Variants in PPP4R3B observed in about 807,000 individuals in gnomAD.
The protein encoded by PPP4R3B is protein phosphatase 4 regulatory subunit 3B.
A neutral mutation model predicts 95.4 loss-of-function variants in PPP4R3B; 52 were observed. That is an observed-to-expected ratio of 0.54 (90% CI 0.44 to 0.69). The LOEUF (loss-of-function observed/expected upper bound fraction) is 0.69. Ranked by LOEUF, PPP4R3B falls within the 30% of genes least tolerant of loss-of-function variation. The pLI is 0.00. For synonymous variants in PPP4R3B, 407 were observed against 343.9 expected, an observed-to-expected ratio of 1.18 and a Z score of -2.03; for missense variants, 1,003 against 1,005.9, an observed-to-expected ratio of 1.00 and a Z score of 0.04.
rs779534034 is a variant in PPP4R3B, at chr2:55,564,521, T to C, written c.2076-24A>G. ...CACTGTAAGAAATATATCACAAATATTGAGTAATGATTTAAAGTTCATCAT... is the reference window on the plus strand; with the variant it reads ...CACTGTAAGAAATATATCACAAATACTGAGTAATGATTTAAAGTTCATCAT... On this transcript the variant is annotated intron_variant, in intron 14 of 16. Transcript: ENST00000616407. 6 of 1,552,652 alleles carry C rather than the reference T, an allele frequency of 3.9e-6. No homozygotes were observed. In the South Asian group the frequency reaches 4.9e-5, roughly 13 times the overall value.
chr2:55,564,608 A>G, intron 14 of PPP4R3B, 111 bp from the exon 15 acceptor site: 1 of 917,690 alleles, frequency 1.1e-6, no homozygotes, highest in African/African-American at 1.7e-5. Context: ...TTAACTGACT[A>G]TAATTTATAT....
intron 15 of PPP4R3B, among the ~76,000 whole-genome samples, chr2:55,563,427 G>A (rs1386847046): frequency 1.3e-5 from 2 of 152,160 alleles, no homozygotes; most frequent in African/African-American, 4.8e-5. Flanking sequence ...AAGCTGGAGT[G>A]CAGCGGCAGC....
At position 55,607,602 on chromosome 2, in the gene PPP4R3B, G is replaced by A. The variant is rs1693598144; in HGVS notation, c.199-3526C>T. Among the ~76,000 whole-genome samples the A allele has an allele frequency of 2.0e-5, 3 of 152,150 alleles. No homozygotes were observed. The South Asian group carries it at 6.2e-4, about 32-fold the overall frequency. ...CCTCCCTGGGCACATCATCCTCCAGGAACTTCCACTTAGTTATCTGGGAGC... is the reference window on the plus strand; with the variant it reads ...CCTCCCTGGGCACATCATCCTCCAGAAACTTCCACTTAGTTATCTGGGAGC... On this transcript the variant is annotated intron_variant, in intron 2 of 16. Coordinates refer to ENST00000616407, the MANE Select transcript of PPP4R3B (RefSeq NM_001122964.3).
At chr2:55,550,932 C>T (rs143172138) in intron 16 of PPP4R3B, among the ~76,000 whole-genome samples, 7 of 152,250 alleles carry the variant, frequency 4.6e-5, no homozygotes, top group African/African-American at 1.7e-4. Context: ...TGTTTCTCAA[C>T]TTAATCACAC....
At chr2:55,554,718 T>A (rs1464298112) in intron 16 of PPP4R3B, among the ~76,000 whole-genome samples, 1 of 152,266 alleles carries the variant, frequency 6.6e-6, no homozygotes, top group African/African-American at 2.4e-5. Flanking sequence ...TATGGTAGTA[T>A]CCTTTGGAGT....
chr2:55,597,802 A>T (rs1692008565), intron 4 of PPP4R3B, among the ~76,000 whole-genome samples: 1 of 152,208 alleles, frequency 6.6e-6, no homozygotes. Context: ...ACTCCATCTC[A>T]AAAAATAAAT....
intron 3 of PPP4R3B, 54 bp from the exon 4 acceptor site, chr2:55,599,093 A>G (rs890624836): frequency 8.2e-6 from 12 of 1,472,198 alleles, no homozygotes; most frequent in Middle Eastern, 2.0e-4. Flanking sequence ...ATAATTCAAA[A>G]TTTTGGAAAT....
intron 3 of PPP4R3B, 46 bp downstream of exon 3, chr2:55,603,932 A>G: frequency 1.4e-6 from 2 of 1,403,446 alleles, no homozygotes; most frequent in South Asian, 2.6e-5. Flanking sequence ...CAAAAATTCC[A>G]GAAAAGAAGC....
At chr2:55,581,133 G>C (rs1380198517) in intron 8 of PPP4R3B, among the ~76,000 whole-genome samples, 1 of 152,026 alleles carries the variant, frequency 6.6e-6, no homozygotes, top group Non-Finnish European at 1.5e-5. Context: ...TGCGTCTGTA[G>C]TCCCAGCTAC....
intron 4 of PPP4R3B, among the ~76,000 whole-genome samples, chr2:55,589,469 G>A (rs370695268): frequency 6.6e-6 from 1 of 152,090 alleles, no homozygotes; most frequent in Non-Finnish European, 1.5e-5. Context: ...CAACCAACTG[G>A]TGCACAGTTT....
chr2:55,568,176 T>G lies in PPP4R3B; in HGVS notation c.1935+18A>C. 1 of 1,455,236 alleles carries G rather than the reference T, an allele frequency of 6.9e-7. No individual in the cohort carries two copies. 90.1% of individuals were successfully genotyped at this position (1,455,236 alleles called of 1,614,324 possible). On this transcript the variant is annotated intron_variant, in intron 13 of 16. Transcript: ENST00000616407. ...ACATATAATTACATATAATAACAGC[T>G]GTTTTATATAAACTTACCACTCTTA...
At chr2:55,580,061 G>T (rs1159215295) in intron 8 of PPP4R3B, among the ~76,000 whole-genome samples, 1 of 152,078 alleles carries the variant, frequency 6.6e-6, no homozygotes, top group African/African-American at 2.4e-5. Flanking sequence ...ATGAAGGCAA[G>T]ATAAAGATCA....
intron 4 of PPP4R3B, among the ~76,000 whole-genome samples, chr2:55,589,630 A>G (rs1411703475): frequency 6.6e-6 from 1 of 152,144 alleles, no homozygotes; most frequent in East Asian, 1.9e-4. Flanking sequence ...AAATATAGTC[A>G]AGTGGCCAGG....
chr2:55,615,770 TGAGA>T (rs1392893317), intron 1 of PPP4R3B, among the ~76,000 whole-genome samples: 1 of 143,048 alleles, frequency 7.0e-6, no homozygotes, highest in Non-Finnish European at 1.5e-5. Flanking sequence ...GAGAATCGCT[TGAGA>T]GAGAGGGAGA....
chr2:55,580,294 AAAC>A (rs1295045319), intron 8 of PPP4R3B, among the ~76,000 whole-genome samples: 2 of 152,162 alleles, frequency 1.3e-5, no homozygotes, highest in South Asian at 2.1e-4. Flanking sequence ...GACACAAAAT[AAAC>A]AACATGTAAG....
At position 55,598,786 on chromosome 2, in the gene PPP4R3B, T is replaced by A; in HGVS notation, c.551A>T (p.Asn184Ile). 6.2e-7 allele frequency: 1 copy of A among 1,614,248 alleles called. No homozygotes were observed. The highest frequency in any genetic ancestry group is 8.5e-7 in the Non-Finnish European group (1 of 1,180,044). The change falls in exon 4 of 17, where the codon AAC becomes ATC. Residue 184 changes from asparagine to isoleucine, a missense_variant. Transcript: ENST00000616407. ...GTGTAAGCCTTCAGTGTTTTCTAGG[T>A]TCTCGCAAGCTTGGAACAGCTGCAA... ...KLLQLFQACE[N>I]LENTEGLHHL... is the part of the protein sequence containing the mutation.
chr2:55,583,991 AGG>A (rs1230711833), intron 7 of PPP4R3B, among the ~76,000 whole-genome samples: 1 of 152,136 alleles, frequency 6.6e-6, no homozygotes, highest in East Asian at 1.9e-4. Context: ...GGATCACCTG[AGG>A]TCAGGAGTTT....
At chr2:55,568,698 T>C (rs1372643044) in intron 12 of PPP4R3B, among the ~76,000 whole-genome samples, 1 of 152,042 alleles carries the variant, frequency 6.6e-6, no homozygotes, top group African/African-American at 2.4e-5. Context: ...ATATGCAAAA[T>C]CCATAGACTG....
intron 15 of PPP4R3B, 64 bp from the exon 16 acceptor site, chr2:55,559,032 A>G: frequency 6.9e-6 from 9 of 1,306,928 alleles, no homozygotes; most frequent in Non-Finnish European, 8.5e-6. Flanking sequence ...ACATCTAAAA[A>G]CAGCAGTAAT....
Sources: allele counts gnomAD v4.1 joint callset (sites outside exome capture counted in the v4.1 genomes callset), GRCh38; gene constraint gnomAD v4.1.1; transcripts MANE v1.5; gene names NCBI Gene and HGNC (gene_info 2026-07-23, HGNC 2026-07-21).